CDH4: variants seen among roughly 807,000 people sequenced by gnomAD.
CDH4 encodes the protein cadherin 4.
In CDH4, 33 loss-of-function variants were observed where a neutral mutation model predicts 86.0. That is an observed-to-expected ratio of 0.38 (90% CI 0.29 to 0.51). The LOEUF (loss-of-function observed/expected upper bound fraction) is 0.51, where lower values mean the gene tolerates loss of function less well. CDH4 is among the 20% of genes least tolerant of loss of function. The probability of loss-of-function intolerance (pLI) is 0.86; values close to 1 mark genes in which losing one functional copy is unlikely to be tolerated. For synonymous variants in CDH4, 555 were observed against 549.4 expected, an observed-to-expected ratio of 1.01 and a Z score of -0.14; for missense variants, 1,114 against 1,307.4, an observed-to-expected ratio of 0.85 and a Z score of 2.28.
intron 2 of CDH4, among the ~76,000 whole-genome samples, chr20:61,569,878 T>C (rs1051655763): frequency 2.0e-5 from 3 of 152,206 alleles, no homozygotes; most frequent in African/African-American, 7.2e-5. Context: ...GCGGCTGATG[T>C]TTCTTGATGA....
At chr20:61,748,092 TG>T (rs531231380) in intron 3 of CDH4, among the ~76,000 whole-genome samples, 284 of 152,174 alleles carry the variant, frequency 1.9e-3, no homozygotes, top group African/African-American at 4.1e-3. Flanking sequence ...TGGGGCGTTG[TG>T]GGGGGGTTGG....
At chr20:61,869,040 G>C (rs12480923) in intron 6 of CDH4, among the ~76,000 whole-genome samples, 25,335 of 152,240 alleles carry the variant, frequency 0.17, 2,341 homozygotes, top group South Asian at 0.23. Context: ...CCTTCAAGGA[G>C]CTCAACTTAT....
chr20:61,928,656 C>T (rs565743573), intron 12 of CDH4, among the ~76,000 whole-genome samples: 11 of 152,320 alleles, frequency 7.2e-5, no homozygotes, highest in Middle Eastern at 6.8e-3. Context: ...TGAGGCCAGC[C>T]GTGAACATCC....
rs201562406 is a variant in CDH4 at position 61,458,954 on chromosome 20, C to CT, written c.169+204033dup. 2.5e-3 allele frequency among the ~76,000 whole-genome samples: 359 copies of CT among 142,960 alleles called. 2 individuals carry two copies. The highest frequency in any genetic ancestry group is 7.2e-3 in the Middle Eastern group (2 of 278). 93.8% of individuals were successfully genotyped at this position (142,960 alleles called of 152,430 possible). On this transcript the variant is annotated intron_variant, in intron 2 of 15. Transcript: ENST00000614565. Reference sequence around the variant, plus strand: ...TACATCTGAGCTTCTGCTATCCCCACTTTTTTTTTTTTTTTTCCTTCTGGA... The same window carrying CT: ...TACATCTGAGCTTCTGCTATCCCCACTTTTTTTTTTTTTTTTTCCTTCTGGA...
chr20:61,555,319 G>A (rs896967682), intron 2 of CDH4, among the ~76,000 whole-genome samples: 11 of 152,234 alleles, frequency 7.2e-5, no homozygotes, highest in Admixed American at 2.0e-4. Flanking sequence ...GAGTGAAGCA[G>A]TAAGGGCAGT....
At chr20:61,319,800 C>T (rs137920519) in intron 2 of CDH4, among the ~76,000 whole-genome samples, 1 of 141,456 alleles carries the variant, frequency 7.1e-6, no homozygotes, top group African/African-American at 2.6e-5. Flanking sequence ...AAAAAAAAAA[C>T]AAAATTAACC....
rs181650472 is a variant in CDH4 at position 61,648,697 on chromosome 20, C to T, written c.170-94866C>T. Among the ~76,000 whole-genome samples, 12 of 152,254 alleles carry T rather than the reference C, an allele frequency of 7.9e-5. No individual in the cohort carries two copies. The East Asian group carries it at 1.4e-3, about 17-fold the overall frequency. On this transcript the variant is annotated intron_variant, in intron 2 of 15. Coordinates refer to ENST00000614565, the MANE Select transcript of CDH4 (RefSeq NM_001794.5). ...AGGGCATAAAGGTAGCTTTTTGAGG[C>T]GCGCTCCCAGGGTTCATGTTGAGCC...
chr20:61,287,680 C>T (rs535282904), intron 2 of CDH4, among the ~76,000 whole-genome samples: 2 of 152,280 alleles, frequency 1.3e-5, no homozygotes, highest in South Asian at 4.1e-4. Context: ...CCATGTGGCC[C>T]TGGGCCTCTT....
intron 7 of CDH4, among the ~76,000 whole-genome samples, chr20:61,882,595 C>T (rs952737379): frequency 5.3e-5 from 8 of 152,162 alleles, no homozygotes; most frequent in Non-Finnish European, 1.0e-4. Flanking sequence ...GGGGTGCAGC[C>T]CCTCCCTCCC....
chr20:61,558,081 A>G (rs1281825438), intron 2 of CDH4, among the ~76,000 whole-genome samples: 1 of 152,184 alleles, frequency 6.6e-6, no homozygotes, highest in African/African-American at 2.4e-5. Context: ...ACTCACTTTC[A>G]TTAAATTCTG....
At chr20:61,686,571 G>A (rs6061738) in intron 2 of CDH4, among the ~76,000 whole-genome samples, 13 of 151,762 alleles carry the variant, frequency 8.6e-5, no homozygotes, top group South Asian at 2.1e-4. Flanking sequence ...ATGTGCATTC[G>A]CGTGTGTGCA....
chr20:61,294,327 G>A (rs904094904), intron 2 of CDH4, among the ~76,000 whole-genome samples: 2 of 152,182 alleles, frequency 1.3e-5, no homozygotes, highest in Non-Finnish European at 2.9e-5. Flanking sequence ...GGGGCAACGG[G>A]GGTGAAGTCT....
intron 8 of CDH4, among the ~76,000 whole-genome samples, chr20:61,897,695 C>T (rs1383990881): frequency 4.6e-5 from 7 of 152,182 alleles, no homozygotes; most frequent in African/African-American, 7.2e-5. Context: ...TAGAGAGAGG[C>T]GTCTCTGTGC....
chr20:61,537,447 G>A (rs1160415070), intron 2 of CDH4, among the ~76,000 whole-genome samples: 2 of 152,170 alleles, frequency 1.3e-5, no homozygotes, highest in Non-Finnish European at 2.9e-5. Flanking sequence ...GGAGGCCCAG[G>A]CCAGCTCGGG....
intron 2 of CDH4, among the ~76,000 whole-genome samples, chr20:61,573,753 CTCCCATGGCAGAAAT>C (rs1476309766): frequency 1.2e-4 from 18 of 152,218 alleles, no homozygotes; most frequent in African/African-American, 4.3e-4. Flanking sequence ...GCTCTGGGCC[CTCCCATGGCAGAAAT>C]CCCATCACAT....
chr20:61,897,313 C>T (rs1285391346), intron 8 of CDH4, among the ~76,000 whole-genome samples: 2 of 151,874 alleles, frequency 1.3e-5, no homozygotes, highest in Non-Finnish European at 1.5e-5. Flanking sequence ...GGAGGCAAGC[C>T]CTACCCCTCA....
In CDH4 at chr20:61,936,761, C is replaced by G; in HGVS notation, c.2569C>G (p.Pro857Ala). Reference protein sequence around the residue: ...NEGLRAADNDPTAPPYDSLLV... With the variant: ...NEGLRAADNDATAPPYDSLLV... The stretch of plus-strand genomic sequence containing the variant: ...GGGACTCCGCGCTGCTGACAACGAC[C>G]CCACGGCACCCCCCTATGACTCCCT... Residue 857 changes from proline (P) to alanine (A), a missense_variant, in exon 16 of 16, where the codon CCC becomes GCC. Transcript: ENST00000614565. The G allele has an allele frequency of 6.2e-7, 1 of 1,606,252 alleles. No individual in the cohort carries two copies. Among genetic ancestry groups the G allele is most frequent in the Non-Finnish European group, 8.5e-7 (1 of 1,177,274 alleles).
Position 61,927,672 on chromosome 20 carries a change from C to T in CDH4, c.1772-518C>T, listed in dbSNP as rs116620873. Among the ~76,000 whole-genome samples the T allele has an allele frequency of 6.2e-3, 944 of 152,290 alleles. 2 individuals carry two copies. The highest frequency in any genetic ancestry group is 7.8e-3 in the African/African-American group (325 of 41,572). Reference sequence around the variant, plus strand: ...CCAGATGGGGGCAAGATGTGGTGGGCGGATCCCAGCCCTCAGGGGCCAGTG... The same window carrying T: ...CCAGATGGGGGCAAGATGTGGTGGGTGGATCCCAGCCCTCAGGGGCCAGTG... On this transcript the variant is annotated intron_variant, in intron 11 of 15. Coordinates refer to ENST00000614565, the MANE Select transcript of CDH4 (RefSeq NM_001794.5).
intron 2 of CDH4, among the ~76,000 whole-genome samples, chr20:61,540,715 G>A (rs1255203684): frequency 1.3e-5 from 2 of 152,102 alleles, no homozygotes; most frequent in African/African-American, 4.8e-5. Flanking sequence ...ACTTTAGGAT[G>A]AAGTTTTCTA....
Sources: gnomAD v4.1 joint callset for allele counts (sites outside exome capture counted in the v4.1 genomes callset) on GRCh38, gnomAD v4.1.1 for gene constraint, MANE v1.5 for transcripts, NCBI Gene and HGNC (gene_info 2026-07-23, HGNC 2026-07-21) for gene names.